Variants in EIF4G3 observed in about 807,000 individuals in gnomAD.
The protein encoded by EIF4G3 is eukaryotic translation initiation factor 4 gamma 3.
Under a neutral mutation model 186.4 loss-of-function variants are expected in EIF4G3, and 34 were observed. The ratio of observed to expected loss-of-function variants is 0.18; its 90% CI spans 0.14 to 0.24. The LOEUF (loss-of-function observed/expected upper bound fraction) is 0.24, where lower values mean the gene tolerates loss of function less well. Ranked by LOEUF, EIF4G3 falls within the 10% of genes least tolerant of loss-of-function variation. EIF4G3 has a pLI of 1.00. For synonymous variants in EIF4G3, 673 were observed against 679.5 expected (o/e 0.99, Z 0.15); for missense variants, 1,536 against 1,948.5 (o/e 0.79, Z 3.99).
rs1331787691 is a variant in EIF4G3, at chr1:21,050,929, G to A, written c.-130C>T. On this transcript the variant is annotated 5_prime_UTR_variant, in exon 4 of 37. Coordinates refer to ENST00000602326, the MANE Select transcript of EIF4G3 (RefSeq NM_001391906.1). ...TTGCCGCAAGATTTGGATGCCCCTT[G>A]TTTATTTCATGTGCTGAATAAGGGG... is the stretch of plus-strand genomic sequence containing the variant. The A allele has an allele frequency of 2.8e-6, 2 of 716,568 alleles. No individual in the cohort carries two copies. The highest frequency in any genetic ancestry group is 2.7e-5 in the East Asian group (1 of 37,230). 44.4% of individuals were successfully genotyped at this position (716,568 alleles called of 1,614,324 possible).
chr1:21,005,405 A>C (rs1557455842), intron 4 of EIF4G3, among the ~76,000 whole-genome samples: 1 of 152,172 alleles, frequency 6.6e-6, no homozygotes, highest in Non-Finnish European at 1.5e-5. Flanking sequence ...AGCTGTCAAG[A>C]TACTAAATAT....
intron 4 of EIF4G3, among the ~76,000 whole-genome samples, chr1:21,044,637 G>GTTTTTTTTTT (rs11334476): frequency 7.1e-6 from 1 of 141,024 alleles, no homozygotes; most frequent in African/African-American, 2.7e-5. Context: ...AACTTCATTC[G>GTTTTTTTTTT]TTTTTTTTTT....
chr1:20,886,983 T>C (rs2084387486), intron 18 of EIF4G3, among the ~76,000 whole-genome samples: 3 of 152,218 alleles, frequency 2.0e-5, no homozygotes, highest in Admixed American at 6.5e-5. Context: ...CCAATGTATG[T>C]TGCCATGTTA....
intron 36 of EIF4G3, among the ~76,000 whole-genome samples, chr1:20,809,707 G>A (rs533881684): frequency 1.1e-4 from 16 of 152,236 alleles, no homozygotes; most frequent in African/African-American, 3.9e-4. Flanking sequence ...CCATTTTCAT[G>A]CCCTAGACCT....
intron 3 of EIF4G3, among the ~76,000 whole-genome samples, chr1:21,083,539 G>C (rs1416097754): frequency 1.3e-5 from 2 of 151,080 alleles, no homozygotes; most frequent in African/African-American, 4.9e-5. Context: ...GCCCAGACTG[G>C]TTTCAAACTC....
At chr1:21,028,513 TGGCTTCAAAGATATTGATAATC>T (rs1361760173) in intron 4 of EIF4G3, among the ~76,000 whole-genome samples, 10 of 152,136 alleles carry the variant, frequency 6.6e-5, no homozygotes, top group Non-Finnish European at 1.5e-4. Flanking sequence ...GAATACAGAG[TGGCTTCAAAGATATTGATAATC>T]GACTTAAGGT....
downstream of EIF4G3, chr1:20,806,316 A>G (rs1331060987): frequency 2.0e-5 from 3 of 152,506 alleles, no homozygotes; most frequent in Non-Finnish European, 4.4e-5. Flanking sequence ...ATGTGCATGC[A>G]CATACGTGCG....
chr1:20,988,153 G>T (rs561119558), intron 7 of EIF4G3, among the ~76,000 whole-genome samples: 10 of 152,208 alleles, frequency 6.6e-5, no homozygotes, highest in Non-Finnish European at 1.0e-4. Flanking sequence ...AGCTAGCAAA[G>T]TTTAGCTCAT....
At chr1:21,000,225 T>C (rs943008941) in intron 6 of EIF4G3, among the ~76,000 whole-genome samples, 1 of 151,798 alleles carries the variant, frequency 6.6e-6, no homozygotes, top group Non-Finnish European at 1.5e-5. Flanking sequence ...TAAAAAAGAT[T>C]TTCTTTCCAC....
At chr1:21,004,678 T>A (rs2084546708) in intron 4 of EIF4G3, among the ~76,000 whole-genome samples, 1 of 152,114 alleles carries the variant, frequency 6.6e-6, no homozygotes, top group Non-Finnish European at 1.5e-5. Context: ...AAATAATATA[T>A]CTAGAAAGTA....
chr1:21,151,767 T>TA (rs1426498957), intron 2 of EIF4G3, among the ~76,000 whole-genome samples: 15 of 151,712 alleles, frequency 9.9e-5, no homozygotes, highest in East Asian at 1.9e-4. Flanking sequence ...GAATATATGT[T>TA]AAAAAAATCT....
chr1:20,909,948 A>AT (rs2092925799), intron 14 of EIF4G3, among the ~76,000 whole-genome samples: 1 of 151,798 alleles, frequency 6.6e-6, no homozygotes, highest in Non-Finnish European at 1.5e-5. Flanking sequence ...TGCCCGGCTA[A>AT]TTTTTTTAAT....
intron 4 of EIF4G3, among the ~76,000 whole-genome samples, chr1:21,012,436 G>C (rs186440880): frequency 6.6e-6 from 1 of 152,226 alleles, no homozygotes; most frequent in Non-Finnish European, 1.5e-5. Flanking sequence ...CATAAAGCAG[G>C]ACACTTTTTG....
chr1:21,094,861 A>T (rs189412054), intron 2 of EIF4G3, among the ~76,000 whole-genome samples: 80 of 151,810 alleles, frequency 5.3e-4, no homozygotes, highest in African/African-American at 1.7e-3. Context: ...AACCTATTTT[A>T]AAAAAGAGCC....
At chr1:20,825,254 A>T in intron 32 of EIF4G3, 56 bp from the exon 33 acceptor site, 2 of 1,086,652 alleles carry the variant, frequency 1.8e-6, no homozygotes, top group Non-Finnish European at 2.6e-6. Flanking sequence ...AGAAACAGAA[A>T]AAAAAAAAAA....
intron 2 of EIF4G3, among the ~76,000 whole-genome samples, chr1:21,095,237 A>C (rs2096334277): frequency 6.6e-6 from 1 of 152,158 alleles, no homozygotes; most frequent in Admixed American, 6.5e-5. Flanking sequence ...AAAAAGAATA[A>C]GTTTTCCAAG....
intron 14 of EIF4G3, among the ~76,000 whole-genome samples, chr1:20,918,149 G>A (rs2094113657): frequency 6.6e-6 from 1 of 151,994 alleles, no homozygotes; most frequent in African/African-American, 2.4e-5. Flanking sequence ...AGCACTCTGT[G>A]TCTGATATAT....
At chr1:20,812,166 T>C (rs1315627860) in intron 35 of EIF4G3, among the ~76,000 whole-genome samples, 1 of 152,218 alleles carries the variant, frequency 6.6e-6, no homozygotes, top group Non-Finnish European at 1.5e-5. Context: ...CTCATGCCTG[T>C]AATTCCAGTT....
In EIF4G3 at chr1:20,976,855, G is replaced by A. The variant is rs140403662; in HGVS notation, c.493+3479C>T. Among the ~76,000 whole-genome samples, 150 of 152,142 alleles carry A rather than the reference G, an allele frequency of 9.9e-4. No homozygotes were observed. The Middle Eastern group carries it at 0.014, about 14-fold the overall frequency. ...GAGTTCAAGACCAGCCTTGGTACAC[G>A]GTGAAACACCATCTCTACTAAAGTA... is the stretch of plus-strand genomic sequence containing the variant. On this transcript the variant is annotated intron_variant, in intron 10 of 36. Coordinates refer to ENST00000602326, the MANE Select transcript of EIF4G3 (RefSeq NM_001391906.1).
Sources: gnomAD v4.1 joint callset for allele counts (sites outside exome capture counted in the v4.1 genomes callset) on GRCh38, gnomAD v4.1.1 for gene constraint, MANE v1.5 for transcripts, NCBI Gene and HGNC (gene_info 2026-07-23, HGNC 2026-07-21) for gene names.